Variants in CHST11 observed in about 807,000 individuals in gnomAD.
CHST11 encodes carbohydrate sulfotransferase 11.
Under a neutral mutation model 30.4 loss-of-function variants are expected in CHST11, and 9 were observed. The ratio of observed to expected loss-of-function variants is 0.30; its 90% confidence interval spans 0.18 to 0.52. CHST11 has a LOEUF of 0.52. Ranked by LOEUF, CHST11 falls within the 20% of genes least tolerant of loss-of-function variation. The pLI, the probability that CHST11 is intolerant of heterozygous loss-of-function variation, is 0.97. For missense variants in CHST11, 348 were observed against 460.6 expected, an observed-to-expected ratio of 0.76 and a Z score of 2.24; for synonymous variants, 152 against 187.8, an observed-to-expected ratio of 0.81 and a Z score of 1.56.
chr12:104,664,188 A>G (rs2039622297), intron 2 of CHST11, among the ~76,000 whole-genome samples: 1 of 152,192 alleles, frequency 6.6e-6, no homozygotes, highest in African/African-American at 2.4e-5. Flanking sequence ...CCTAATACTC[A>G]GGGAGACCAC....
chr12:104,469,790 T>C lies in CHST11; in HGVS notation c.118+12261T>C, dbSNP rs1030940633. The stretch of plus-strand genomic sequence containing the variant: ...GTTCAAAGACTCCATAACCCTGATC[T>C]GGGCTAGGCCCGGCATTCTTCAACC... On this transcript the variant is annotated intron_variant, in intron 1 of 2. Coordinates refer to ENST00000303694, the MANE Select transcript of CHST11 (RefSeq NM_018413.6). Among the ~76,000 whole-genome samples the C allele has an allele frequency of 5.3e-5, 8 of 152,348 alleles. 1 individual carries two copies. The highest frequency in any genetic ancestry group is 4.6e-4 in the Admixed American group (7 of 15,298).
chr12:104,749,017 T>C (rs546543021), intron 2 of CHST11, among the ~76,000 whole-genome samples: 1 of 152,216 alleles, frequency 6.6e-6, no homozygotes, highest in Non-Finnish European at 1.5e-5. Flanking sequence ...ATATAAACTT[T>C]CTTTTAGTAG....
At chr12:104,559,702 C>G (rs2038494099) in intron 1 of CHST11, among the ~76,000 whole-genome samples, 1 of 152,156 alleles carries the variant, frequency 6.6e-6, no homozygotes, top group African/African-American at 2.4e-5. Flanking sequence ...AAGATCATAT[C>G]ATTGCACTCC....
At chr12:104,468,532 CT>C (rs1377183561) in intron 1 of CHST11, among the ~76,000 whole-genome samples, 1 of 152,328 alleles carries the variant, frequency 6.6e-6, no homozygotes, top group East Asian at 1.9e-4. Context: ...GGGCATTACT[CT>C]TCCCATCCAC....
intron 2 of CHST11, among the ~76,000 whole-genome samples, chr12:104,662,282 C>A (rs2039604884): frequency 6.6e-6 from 1 of 152,162 alleles, no homozygotes; most frequent in African/African-American, 2.4e-5. Context: ...CACTTAACAT[C>A]TCTGAGCCCC....
chr12:104,573,522 A>C (rs2038651168), intron 1 of CHST11, among the ~76,000 whole-genome samples: 1 of 152,216 alleles, frequency 6.6e-6, no homozygotes, highest in African/African-American at 2.4e-5. Flanking sequence ...ATATAGACCA[A>C]TGGAACAGAA....
chr12:104,523,618 A>T (rs979419787), intron 1 of CHST11, among the ~76,000 whole-genome samples: 1 of 152,236 alleles, frequency 6.6e-6, no homozygotes, highest in Non-Finnish European at 1.5e-5. Flanking sequence ...GAGTGCTCAC[A>T]TTCCTTTCCT....
Position 104,514,478 on chromosome 12 carries a change from ACT to A in CHST11, c.118+56951_118+56952del, listed in dbSNP as rs2038001604. The stretch of plus-strand genomic sequence containing the variant: ...TCACCTGCCTGTCCCTGCTGCTACG[ACT>A]CCATACCATTACTGGTGCTGGGATG... On this transcript the variant is annotated intron_variant, in intron 1 of 2. Transcript: ENST00000303694. 6 of 715,350 alleles carry A rather than the reference ACT, an allele frequency of 8.4e-6. No homozygotes were observed. The South Asian group carries it at 9.1e-5, about 11-fold the overall frequency. 44.3% of individuals were successfully genotyped at this position (715,350 alleles called of 1,614,324 possible).
intron 2 of CHST11, among the ~76,000 whole-genome samples, chr12:104,673,514 G>A (rs902344472): frequency 2.0e-5 from 3 of 152,154 alleles, no homozygotes; most frequent in Non-Finnish European, 4.4e-5. Context: ...CCTACCCATA[G>A]GTTTGTTATG....
At chr12:104,502,077 G>A (rs1184130332) in intron 1 of CHST11, among the ~76,000 whole-genome samples, 1 of 151,558 alleles carries the variant, frequency 6.6e-6, no homozygotes, top group Non-Finnish European at 1.5e-5. Flanking sequence ...CACCCAGGCT[G>A]GAGTGCAGTG....
chr12:104,649,708 C>T (rs759125068), intron 2 of CHST11, among the ~76,000 whole-genome samples: 5 of 152,156 alleles, frequency 3.3e-5, no homozygotes, highest in Non-Finnish European at 5.9e-5. Flanking sequence ...TGAACAACTG[C>T]CCAGGAGTCA....
chr12:104,478,864 T>C (rs971660965), intron 1 of CHST11, among the ~76,000 whole-genome samples: 5 of 151,920 alleles, frequency 3.3e-5, no homozygotes, highest in Non-Finnish European at 5.9e-5. Context: ...ATTTGGGGGA[T>C]GAGATGACAT....
chr12:104,503,201 T>C (rs1159917170), intron 1 of CHST11, among the ~76,000 whole-genome samples: 30 of 152,186 alleles, frequency 2.0e-4, no homozygotes, highest in Admixed American at 2.0e-3. Context: ...TAACCCCAGA[T>C]CTGCTGCTGC....
In CHST11 at chr12:104,484,436, T is replaced by C. The variant is rs570092736; in HGVS notation, c.118+26907T>C. Among the ~76,000 whole-genome samples the C allele has an allele frequency of 5.9e-5, 9 of 152,348 alleles. No homozygotes were observed. The South Asian group carries it at 1.9e-3, about 32-fold the overall frequency. ...GGAGAGGTACCACTTCATTTATTCA[T>C]TAAATAGTTACTGAGCACCTACCCT... is the stretch of plus-strand genomic sequence containing the variant. On this transcript the variant is annotated intron_variant, in intron 1 of 2. Coordinates refer to ENST00000303694, the MANE Select transcript of CHST11 (RefSeq NM_018413.6).
intron 2 of CHST11, among the ~76,000 whole-genome samples, chr12:104,655,199 G>T (rs1438031981): frequency 3.3e-5 from 5 of 152,256 alleles, no homozygotes; most frequent in African/African-American, 9.6e-5. Flanking sequence ...CCTTGCTTTT[G>T]GTGGAAGGGT....
chr12:104,463,211 A>G (rs1337002451), intron 1 of CHST11, among the ~76,000 whole-genome samples: 1 of 152,164 alleles, frequency 6.6e-6, no homozygotes, highest in East Asian at 1.9e-4. Context: ...GCTCTCATGA[A>G]AGTCATTGCC....
At chr12:104,619,132 T>C (rs2039136325) in intron 2 of CHST11, among the ~76,000 whole-genome samples, 1 of 152,214 alleles carries the variant, frequency 6.6e-6, no homozygotes, top group Non-Finnish European at 1.5e-5. Context: ...GCCCCCATCC[T>C]AGCAGGCAGG....
At position 104,571,335 on chromosome 12, in the gene CHST11, G is replaced by A. The variant is rs188919956; in HGVS notation, c.119-30571G>A. The stretch of plus-strand genomic sequence containing the variant: ...TGTGCCACCATGCCTGGCTAATTTT[G>A]TATTTTTAGTAGAGATGGGGTTTCC... On this transcript the variant is annotated intron_variant, in intron 1 of 2. Transcript: ENST00000303694. 1.3e-3 allele frequency among the ~76,000 whole-genome samples: 196 copies of A among 152,114 alleles called. 2 individuals are homozygous for A. Among genetic ancestry groups the A allele is most frequent in the African/African-American group, 4.4e-3 (181 of 41,518 alleles).
chr12:104,518,536 A>G (rs1191146576), intron 1 of CHST11, among the ~76,000 whole-genome samples: 1 of 152,014 alleles, frequency 6.6e-6, no homozygotes, highest in East Asian at 1.9e-4. Flanking sequence ...ACTTTGAAGG[A>G]CCCCGGGCAG....
Sources: allele counts gnomAD v4.1 joint callset (sites outside exome capture counted in the v4.1 genomes callset), GRCh38; gene constraint gnomAD v4.1.1; transcripts MANE v1.5; gene names NCBI Gene and HGNC (gene_info 2026-07-23, HGNC 2026-07-21).